The following PHF24 variants were observed in gnomAD, a reference collection of about 807,000 sequenced individuals.
The protein encoded by PHF24 is PHD finger protein 24, also known as Galpha inhibitory interacting protein.
Under a neutral mutation model 42.6 loss-of-function variants are expected in PHF24, and 25 were observed. That is an observed-to-expected ratio of 0.59 (90% CI 0.43 to 0.82). The LOEUF (loss-of-function observed/expected upper bound fraction) is 0.82, where lower values mean the gene tolerates loss of function less well. Ranked by LOEUF, PHF24 falls within the 40% of genes least tolerant of loss-of-function variation. The probability of loss-of-function intolerance (pLI) is 0.00; values close to 1 mark genes in which losing one functional copy is unlikely to be tolerated. For missense variants in PHF24, 470 were observed against 538.1 expected (o/e 0.87, Z 1.25); for synonymous variants, 185 against 204.8 (o/e 0.90, Z 0.83).
the PHF24 span, among the ~76,000 whole-genome samples, chr9:34,826,122 G>A: frequency 6.6e-6 from 1 of 152,052 alleles, no homozygotes; most frequent in Admixed American, 6.5e-5. Flanking sequence ...GGATCTCACT[G>A]GCCTCTTCCC....
At chr9:34,926,308 C>T in the PHF24 span, among the ~76,000 whole-genome samples, 2 of 152,224 alleles carry the variant, frequency 1.3e-5, no homozygotes, top group Non-Finnish European at 2.9e-5. The surrounding 1 kb of genome is among the most constrained non-coding windows in gnomAD (Gnocchi z 4.3). Flanking sequence ...GCTCACAGAG[C>T]TGTTTCTCGA....
chr9:34,793,439 A>G, the PHF24 span, among the ~76,000 whole-genome samples: 1 of 152,244 alleles, frequency 6.6e-6, no homozygotes. Flanking sequence ...AAAATGAATT[A>G]AGCACATCTC....
the PHF24 span, among the ~76,000 whole-genome samples, chr9:34,669,532 CTG>C: frequency 1.3e-5 from 2 of 151,140 alleles, no homozygotes; most frequent in Non-Finnish European, 2.9e-5. Flanking sequence ...TGTGTGGAGT[CTG>C]TGAGACTGTG....
At chr9:34,770,044 A>G in the PHF24 span, among the ~76,000 whole-genome samples, 1 of 152,194 alleles carries the variant, frequency 6.6e-6, no homozygotes, top group African/African-American at 2.4e-5. Flanking sequence ...GAAACCATAA[A>G]ATAAAGGATT....
intron 3 of PHF24, among the ~76,000 whole-genome samples, chr9:34,975,462 C>T (rs994571844): frequency 1.3e-5 from 2 of 152,112 alleles, no homozygotes; most frequent in Admixed American, 6.5e-5. Context: ...TTGTACTTTG[C>T]GGGTATCTCA....
chr9:34,910,150 G>A, the PHF24 span, among the ~76,000 whole-genome samples: 1 of 152,126 alleles, frequency 6.6e-6, no homozygotes, highest in South Asian at 2.1e-4. Context: ...GGGTTTTCCT[G>A]CATCTAAGCT....
chr9:34,954,875 T>A (rs961050208), upstream of PHF24, among the ~76,000 whole-genome samples: 2 of 152,212 alleles, frequency 1.3e-5, no homozygotes, highest in African/African-American at 4.8e-5. Context: ...AACAAAAACT[T>A]ATAGAGGCTC....
At chr9:34,680,502 A>T in the PHF24 span, among the ~76,000 whole-genome samples, 5 of 151,136 alleles carry the variant, frequency 3.3e-5, no homozygotes, top group Admixed American at 6.6e-5. Flanking sequence ...TCCTGGCTAA[A>T]ACGGTGAAAC....
At chr9:34,824,302 C>A in the PHF24 span, among the ~76,000 whole-genome samples, 4 of 152,178 alleles carry the variant, frequency 2.6e-5, no homozygotes, top group Non-Finnish European at 4.4e-5. Context: ...CAAGATGCCC[C>A]ATGGACTGTG....
the PHF24 span, among the ~76,000 whole-genome samples, chr9:34,839,393 A>C: frequency 6.6e-6 from 1 of 152,182 alleles, no homozygotes; most frequent in African/African-American, 2.4e-5. Context: ...CGGATTCTGG[A>C]AACTTTTAAA....
the PHF24 span, among the ~76,000 whole-genome samples, chr9:34,744,970 G>A: frequency 6.6e-6 from 1 of 152,186 alleles, no homozygotes; most frequent in Non-Finnish European, 1.5e-5. Flanking sequence ...GTTACAGCTT[G>A]ACAGGAATAT....
chr9:34,853,418 GT>G, the PHF24 span, among the ~76,000 whole-genome samples: 1 of 152,122 alleles, frequency 6.6e-6, no homozygotes, highest in Non-Finnish European at 1.5e-5. Flanking sequence ...TTGGCCTAAA[GT>G]TTTCTTTTTT....
At chr9:34,917,181 A>G in the PHF24 span, 1 of 1,437,056 alleles carries the variant, frequency 7.0e-7, no homozygotes, top group East Asian at 2.3e-5. Flanking sequence ...CACCATGACC[A>G]CCTCAGCATG....
chr9:34,797,378 TG>T, the PHF24 span, among the ~76,000 whole-genome samples: 1 of 152,196 alleles, frequency 6.6e-6, no homozygotes, highest in Non-Finnish European at 1.5e-5. Context: ...GTTCTTGCCT[TG>T]GTGTACCAGA....
chr9:34,704,497 G>C, the PHF24 span, among the ~76,000 whole-genome samples: 1 of 135,622 alleles, frequency 7.4e-6, no homozygotes, highest in Non-Finnish European at 1.7e-5. Context: ...GTGTGTGTGT[G>C]TATGTTATCA....
At chr9:34,699,884 C>T in the PHF24 span, among the ~76,000 whole-genome samples, 2 of 152,174 alleles carry the variant, frequency 1.3e-5, no homozygotes, top group African/African-American at 2.4e-5. Flanking sequence ...TATACTATCT[C>T]AGATGGCAAT....
chr9:34,762,396 G>C, the PHF24 span, among the ~76,000 whole-genome samples: 1 of 151,396 alleles, frequency 6.6e-6, no homozygotes, highest in African/African-American at 2.4e-5. Context: ...ATTCTAACTG[G>C]TGTGAGATGG....
chr9:34,755,138 C>T, the PHF24 span, among the ~76,000 whole-genome samples: 5 of 151,724 alleles, frequency 3.3e-5, no homozygotes, highest in Admixed American at 2.6e-4. Flanking sequence ...ATCTAGTATT[C>T]GATAGCACTT....
At chr9:34,782,690 C>T in the PHF24 span, among the ~76,000 whole-genome samples, 13 of 152,140 alleles carry the variant, frequency 8.5e-5, no homozygotes, top group African/African-American at 1.2e-4. Context: ...TGGGAAGTAG[C>T]TCTTCTTCCA....
Sources: gnomAD v4.1 joint callset for allele counts (sites outside exome capture counted in the v4.1 genomes callset) on GRCh38, gnomAD v4.1.1 for gene constraint, Gnocchi (gnomAD v3.1) non-coding constraint, MANE v1.5 for transcripts, NCBI Gene and HGNC (gene_info 2026-07-23, HGNC 2026-07-21) for gene names.